The following NPFFR2 variants were observed in gnomAD, a reference collection of about 807,000 sequenced individuals.
The protein encoded by NPFFR2 is neuropeptide FF receptor 2, also known as G-protein coupled receptor 74.
A neutral mutation model predicts 13.1 loss-of-function variants in NPFFR2; 15 were observed. The ratio of observed to expected loss-of-function variants is 1.15; its 90% confidence interval spans 0.77 to 1.76. The LOEUF is 1.76. NPFFR2 is among the 40% of genes most tolerant of loss of function. The pLI is 0.00. For synonymous variants in NPFFR2, 190 were observed against 175.7 expected, an observed-to-expected ratio of 1.08 and a Z score of -0.65; for missense variants, 572 against 503.5, an observed-to-expected ratio of 1.14 and a Z score of -1.30.
At chr4:72,146,916 G>T in intron 3 of NPFFR2, 62 bp from the exon 4 acceptor site, 1 of 1,082,964 alleles carries the variant, frequency 9.2e-7, no homozygotes. Context: ...AAATAAATTT[G>T]GTGTATGACT....
intron 1 of NPFFR2, among the ~76,000 whole-genome samples, chr4:72,056,060 A>G (rs1287331389): frequency 6.6e-6 from 1 of 152,024 alleles, no homozygotes; most frequent in Non-Finnish European, 1.5e-5. Flanking sequence ...TCTCACTAAG[A>G]TGATTGATGA....
At chr4:72,135,363 C>A (rs958280461) in intron 2 of NPFFR2, among the ~76,000 whole-genome samples, 1 of 151,792 alleles carries the variant, frequency 6.6e-6, no homozygotes. Context: ...GTTTTTCTTT[C>A]TTCTACTCAT....
In NPFFR2 at chr4:72,087,865, G is replaced by A. The variant is rs372839669; in HGVS notation, c.-7-40720G>A. Among the ~76,000 whole-genome samples the A allele has an allele frequency of 4.2e-3, 646 of 152,090 alleles. 3 individuals are homozygous for A. The highest frequency in any genetic ancestry group is 0.015 in the African/African-American group (618 of 41,522). On this transcript the variant is annotated intron_variant, in intron 1 of 3. Coordinates refer to ENST00000308744, the MANE Select transcript of NPFFR2 (RefSeq NM_004885.3). ...GGTAGCAATGACAGAAGAACTTTGT[G>A]AAAAATGTTATCTAAAGTCCAATTT... is the stretch of plus-strand genomic sequence containing the variant.
intron 1 of NPFFR2, among the ~76,000 whole-genome samples, chr4:72,102,278 A>G (rs1721273964): frequency 6.6e-6 from 1 of 152,132 alleles, no homozygotes; most frequent in African/African-American, 2.4e-5. Flanking sequence ...TGTTAGAAGT[A>G]AGGAGCCTTA....
chr4:72,052,214 A>C (rs1365592239), intron 1 of NPFFR2, among the ~76,000 whole-genome samples: 30 of 74,484 alleles, frequency 4.0e-4, no homozygotes, highest in Non-Finnish European at 8.3e-4. Flanking sequence ...TTAGACCAAT[A>C]TCCTTGATGA....
intron 1 of NPFFR2, among the ~76,000 whole-genome samples, chr4:72,098,081 T>C (rs2109807349): frequency 6.6e-6 from 1 of 152,298 alleles, no homozygotes; most frequent in Non-Finnish European, 1.5e-5. Flanking sequence ...TTAAAGAATC[T>C]CTAAGCCAAG....
intron 1 of NPFFR2, among the ~76,000 whole-genome samples, chr4:72,124,019 C>A (rs571421184): frequency 4.6e-5 from 7 of 152,216 alleles, no homozygotes; most frequent in Middle Eastern, 3.4e-3. Flanking sequence ...AAAACCCCAT[C>A]GTCTCAGCCC....
chr4:72,088,788 A>G (rs1463578238), intron 1 of NPFFR2, among the ~76,000 whole-genome samples: 2 of 152,012 alleles, frequency 1.3e-5, no homozygotes, highest in South Asian at 4.1e-4. Context: ...CCATGATCCA[A>G]TCACCTTCCA....
chr4:72,073,646 A>G (rs1720331490), intron 1 of NPFFR2, among the ~76,000 whole-genome samples: 1 of 152,006 alleles, frequency 6.6e-6, no homozygotes, highest in African/African-American at 2.4e-5. Context: ...TTTTTTCTAC[A>G]TAATGGTAGA....
intron 1 of NPFFR2, among the ~76,000 whole-genome samples, chr4:72,116,005 T>C (rs908198525): frequency 2.6e-5 from 4 of 152,140 alleles, no homozygotes; most frequent in African/African-American, 9.7e-5. Context: ...AATTAAAAAT[T>C]AGTCATTTTT....
At chr4:72,111,763 A>T (rs544592736) in intron 1 of NPFFR2, among the ~76,000 whole-genome samples, 1 of 152,022 alleles carries the variant, frequency 6.6e-6, no homozygotes, top group Admixed American at 6.6e-5. Context: ...ATTAGCACAT[A>T]ATATCTATCC....
chr4:72,139,741 G>A (rs1391470241), intron 3 of NPFFR2, among the ~76,000 whole-genome samples: 2 of 152,034 alleles, frequency 1.3e-5, no homozygotes, highest in Admixed American at 6.6e-5. Context: ...GGCAATGCGG[G>A]CTCTTTTTTA....
Position 72,032,193 on chromosome 4 carries a change from C to G in NPFFR2, c.-15C>G. On this transcript the variant is annotated 5_prime_UTR_variant, in exon 1 of 4. Transcript: ENST00000308744. ...GGTTCCTGCCGCCGACAGGGCTCGC[C>G]GGGAGAGGTAACAGCATGGGCCAGT... The G allele has an allele frequency of 6.2e-7, 1 of 1,607,424 alleles. No individual in the cohort carries two copies. The highest frequency in any genetic ancestry group is 1.1e-5 in the South Asian group (1 of 89,990).
chr4:72,101,921 T>G (rs1198462072), intron 1 of NPFFR2, among the ~76,000 whole-genome samples: 1 of 152,034 alleles, frequency 6.6e-6, no homozygotes, highest in East Asian at 1.9e-4. Flanking sequence ...AAATATTGAA[T>G]ATCAACTCTG....
At chr4:72,135,155 C>T (rs1722370600) in intron 2 of NPFFR2, among the ~76,000 whole-genome samples, 1 of 151,982 alleles carries the variant, frequency 6.6e-6, no homozygotes, top group Admixed American at 6.6e-5. Context: ...CTTCTTTTGC[C>T]CATGATTTGT....
chr4:72,110,172 C>G (rs1159563305), intron 1 of NPFFR2, among the ~76,000 whole-genome samples: 1 of 151,938 alleles, frequency 6.6e-6, no homozygotes, highest in Admixed American at 6.6e-5. Context: ...TGCTGCTGCT[C>G]TCATGATAGA....
chr4:72,060,727 G>A (rs1719897155), intron 1 of NPFFR2, among the ~76,000 whole-genome samples: 1 of 152,002 alleles, frequency 6.6e-6, no homozygotes, highest in Admixed American at 6.6e-5. Flanking sequence ...ATTATTTGGG[G>A]ATTTTTCCGA....
chr4:72,041,339 T>A (rs1578416818), intron 1 of NPFFR2, among the ~76,000 whole-genome samples: 1 of 152,250 alleles, frequency 6.6e-6, no homozygotes, highest in Non-Finnish European at 1.5e-5. Context: ...TGTTCTTTTT[T>A]ATAACTGCAT....
At chr4:72,106,224 A>T (rs1486136166) in intron 1 of NPFFR2, among the ~76,000 whole-genome samples, 1 of 152,048 alleles carries the variant, frequency 6.6e-6, no homozygotes, top group Non-Finnish European at 1.5e-5. Flanking sequence ...CACCTGAGAC[A>T]TCTAACATGG....
Sources: allele counts gnomAD v4.1 joint callset (sites outside exome capture counted in the v4.1 genomes callset), GRCh38; gene constraint gnomAD v4.1.1; transcripts MANE v1.5; gene names NCBI Gene and HGNC (gene_info 2026-07-23, HGNC 2026-07-21).